The following GPRC5A variants were observed in gnomAD, a reference collection of about 807,000 sequenced individuals.
The protein encoded by GPRC5A is G protein-coupled receptor class C group 5 member A.
Under a neutral mutation model 22.5 loss-of-function variants are expected in GPRC5A, and 19 were observed. The observed-to-expected ratio is 0.85, with a 90% CI of 0.59 to 1.24. The LOEUF (loss-of-function observed/expected upper bound fraction) is 1.24. Among genes scored for constraint, GPRC5A ranks in the 50% most tolerant of loss-of-function variants. The pLI, the probability that GPRC5A is intolerant of heterozygous loss-of-function variation, is 0.00. For missense variants in GPRC5A, 471 were observed against 451.1 expected (o/e 1.04, Z -0.40); for synonymous variants, 192 against 184.5 (o/e 1.04, Z -0.33).
At chr12:12,912,215 G>A (rs192645632) in intron 3 of GPRC5A, 73 bp downstream of exon 3, 16 of 1,126,758 alleles carry the variant, frequency 1.4e-5, no homozygotes, top group Middle Eastern at 1.9e-4. Flanking sequence ...GGAAACAGAC[G>A]ATGTTACCTT....
chr12:12,900,923 A>AAAAAAAAAAAAAAAC (rs1555104732), intron 1 of GPRC5A, among the ~76,000 whole-genome samples: 1 of 109,880 alleles, frequency 9.1e-6, no homozygotes, highest in Non-Finnish European at 1.9e-5. Context: ...ACAAAAAAAA[A>AAAAAAAAAAAAAAAC]ACAACCCAGA....
At chr12:12,894,445 G>C (rs1168526407) in intron 1 of GPRC5A, among the ~76,000 whole-genome samples, 1 of 152,094 alleles carries the variant, frequency 6.6e-6, no homozygotes, top group Non-Finnish European at 1.5e-5. Context: ...GTCTTGCTCT[G>C]TTGCCCTGGC....
intron 1 of GPRC5A, among the ~76,000 whole-genome samples, chr12:12,899,646 A>G (rs1863861695): frequency 1.3e-5 from 2 of 152,180 alleles, no homozygotes; most frequent in South Asian, 4.1e-4. Flanking sequence ...ATACATAACT[A>G]CTCAGCATAG....
chr12:12,912,476 C>T lies in GPRC5A; in HGVS notation c.1011C>T (p.Ile337=), dbSNP rs573985329. ...QNQPPQKEFS[I]PRAHAWPSPY... ...AGCCTCCCCAAAAGGAATTCTCCAT[C>T]CCACGGGCCCACGCTTGGCCGAGCC... Residue 337 remains isoleucine, a synonymous_variant, in exon 4 of 4, where the codon ATC becomes ATT. Coordinates refer to ENST00000014914, the MANE Select transcript of GPRC5A (RefSeq NM_003979.4). 1.2e-6 allele frequency: 2 copies of T among 1,612,400 alleles called. No individual in the cohort carries two copies. Among genetic ancestry groups the T allele is most frequent in the African/African-American group, 2.7e-5 (2 of 75,014 alleles).
Position 12,915,610 on chromosome 12 carries a change from T to TTCCTTCTCC in GPRC5A, c.*3085_*3093dup, listed in dbSNP as rs955772505. On this transcript the variant is annotated 3_prime_UTR_variant, in exon 4 of 4. Coordinates refer to ENST00000014914, the MANE Select transcript of GPRC5A (RefSeq NM_003979.4). ...ATCTCTGGACTGTTGTTTCTCCTTC[T>TTCCTTCTCC]TCCTTCTCCTCCTTCTCCTCCTCCT... 5.2e-6 allele frequency: 1 copy of TTCCTTCTCC among 191,250 alleles called. No individual in the cohort carries two copies. The highest frequency in any genetic ancestry group is 1.1e-5 in the Non-Finnish European group (1 of 88,702). The allele number at this position is 191,250 out of a possible 1,614,324, so 11.8% of individuals were successfully genotyped here. A position where few individuals can be genotyped will look rare whatever the true frequency, so the allele number is the denominator to read the frequency against.
At position 12,912,069 on chromosome 12, in the gene GPRC5A, G is replaced by A; in HGVS notation, c.923-15G>A. On this transcript the variant is annotated splice_polypyrimidine_tract_variant and intron_variant, in intron 2 of 3. Coordinates refer to ENST00000014914, the MANE Select transcript of GPRC5A (RefSeq NM_003979.4). ...GGGCCCCAGTGGTTTAATTTCTCCT[G>A]TTCCTCCATTTCAGGTTTTGAAGAG... The A allele has an allele frequency of 1.2e-6, 2 of 1,600,722 alleles. No individual in the cohort carries two copies. Among genetic ancestry groups the A allele is most frequent in the Non-Finnish European group, 1.7e-6 (2 of 1,167,994 alleles).
At position 12,912,090 on chromosome 12, in the gene GPRC5A, AAG is replaced by A; in HGVS notation, c.933_934del (p.Glu311AspfsTer40). 1.2e-6 allele frequency: 2 copies of A among 1,612,106 alleles called. No homozygotes were observed. Among genetic ancestry groups the A allele is most frequent in the Non-Finnish European group, 8.5e-7 (1 of 1,178,384 alleles). On this transcript the variant is annotated frameshift_variant, in exon 3 of 4. Transcript: ENST00000014914. LOFTEE classifies it high-confidence loss of function. ...TCCTGTTCCTCCATTTCAGGTTTTG[AAG>A]AGACAGGGGACACGCTCTATGCCCC...
chr12:12,905,798 C>T (rs574701962), intron 1 of GPRC5A, among the ~76,000 whole-genome samples: 2 of 152,282 alleles, frequency 1.3e-5, no homozygotes, highest in Non-Finnish European at 2.9e-5. Flanking sequence ...AGAAAGAAGC[C>T]TTTCTCCTGA....
In GPRC5A at chr12:12,908,282, T is replaced by A. The variant is rs748869574; in HGVS notation, c.33T>A (p.Asn11Lys). 8.7e-6 allele frequency: 14 copies of A among 1,603,204 alleles called. No individual in the cohort carries two copies. Among genetic ancestry groups the A allele is most frequent in the Admixed American group, 5.1e-5 (3 of 58,484 alleles). MATTVPDGCR[N>K]GLKSKYYRLC... ...CAACAGTCCCTGATGGTTGCCGCAATGGCCTGAAATCCAAGTACTACAGAC... is the reference window on the plus strand; with the variant it reads ...CAACAGTCCCTGATGGTTGCCGCAAAGGCCTGAAATCCAAGTACTACAGAC... The change falls in exon 2 of 4, where the codon AAT (asparagine) becomes AAA (lysine). Residue 11 changes from asparagine to lysine, a missense_variant. Transcript: ENST00000014914.
chr12:12,905,619 A>C lies in GPRC5A; in HGVS notation c.-7-2624A>C, dbSNP rs547902016. Among the ~76,000 whole-genome samples, 10 of 152,314 alleles carry C rather than the reference A, an allele frequency of 6.6e-5. No individual in the cohort carries two copies. The South Asian group carries it at 2.1e-3, about 32-fold the overall frequency. Reference sequence around the variant, plus strand: ...AATCTCAACATCTTATTCGACATTGACTTTGGAATTTGTGAGCCACCTGTT... The same window carrying C: ...AATCTCAACATCTTATTCGACATTGCCTTTGGAATTTGTGAGCCACCTGTT... On this transcript the variant is annotated intron_variant, in intron 1 of 3. Transcript: ENST00000014914.
rs1035979628 is a variant in GPRC5A, at chr12:12,916,836, C to G, written c.*4297C>G. The G allele has an allele frequency of 6.6e-6, 1 of 152,234 alleles. No homozygotes were observed. The highest frequency in any genetic ancestry group is 1.5e-5 in the Non-Finnish European group (1 of 68,092). The allele number at this position is 152,234 out of a possible 1,614,324, so 9.4% of individuals were successfully genotyped here. On this transcript the variant is annotated 3_prime_UTR_variant, in exon 4 of 4. Transcript: ENST00000014914. ...GCCCTGGAAATGCATCAGCAAAACC[C>G]ATTTCCCCCGTGCACTCATTCTGAG...
At position 12,909,128 on chromosome 12, in the gene GPRC5A, T is replaced by C. The variant is rs556538080; in HGVS notation, c.879T>C (p.Tyr293=). The change falls in exon 2 of 4, where the codon TAT becomes TAC. Residue 293 remains tyrosine (Y), a synonymous_variant. Transcript: ENST00000014914. ...AACCTCAACTCGTGAAGAAGAGCTA[T>C]GGTGTGGAGAACAGAGCCTACTCTC... ...FCKPQLVKKS[Y]GVENRAYSQE... The C allele has an allele frequency of 6.3e-7, 1 of 1,599,708 alleles. No homozygotes were observed. Among genetic ancestry groups the C allele is most frequent in the South Asian group, 1.1e-5 (1 of 91,014 alleles).
Position 12,912,734 on chromosome 12 carries a change from G to T in GPRC5A, c.*195G>T. The T allele has an allele frequency of 3.9e-6, 2 of 513,714 alleles. No individual in the cohort carries two copies. Among genetic ancestry groups the T allele is most frequent in the South Asian group, 3.2e-5 (1 of 31,112 alleles). The allele number at this position is 513,714 out of a possible 1,614,324, so 31.8% of individuals were successfully genotyped here. ...GGCTAGTAAGACTCCAGTTCTTAGA[G>T]GCGCTGTAGTATTTTTTTTTTTTTG... On this transcript the variant is annotated 3_prime_UTR_variant, in exon 4 of 4. Transcript: ENST00000014914.
chr12:12,895,367 G>C (rs900869252), intron 1 of GPRC5A, among the ~76,000 whole-genome samples: 2 of 123,028 alleles, frequency 1.6e-5, no homozygotes, highest in East Asian at 4.6e-4. Context: ...GTATGATATA[G>C]TTTAGTCTTT....
Position 12,913,350 on chromosome 12 carries a change from A to G in GPRC5A, c.*811A>G, listed in dbSNP as rs1864027487. The G allele has an allele frequency of 6.6e-6, 1 of 152,602 alleles. No individual in the cohort carries two copies. Among genetic ancestry groups the G allele is most frequent in the Non-Finnish European group, 1.5e-5 (1 of 68,174 alleles). The allele number at this position is 152,602 out of a possible 1,614,324, so 9.5% of individuals were successfully genotyped here. A position where few individuals can be genotyped will look rare whatever the true frequency, so the allele number is the denominator to read the frequency against. On this transcript the variant is annotated 3_prime_UTR_variant, in exon 4 of 4. Transcript: ENST00000014914. ...CCCCTCTCTTCTTGCACTGTCCCCA[A>G]ACTTGCTGTCAATTCCGAGATCTAA...
chr12:12,903,976 A>G (rs150213594), intron 1 of GPRC5A, among the ~76,000 whole-genome samples: 1,640 of 152,348 alleles, frequency 0.011, 9 homozygotes, highest in Middle Eastern at 0.02. Flanking sequence ...GTCCACAAAC[A>G]GTAATACCTG....
chr12:12,908,827 T>C lies in GPRC5A; in HGVS notation c.578T>C (p.Leu193Pro). 5.0e-6 allele frequency: 8 copies of C among 1,614,104 alleles called. No individual in the cohort carries two copies. The Admixed American group carries it at 6.7e-5, about 13-fold the overall frequency. ...CTCTTCTTGATGGCGCTGACCTTCC[T>C]CATGTCCTCCTTCACCTTCTGTGGT... ...YVLFLMALTF[L>P]MSSFTFCGSF... is the part of the protein sequence containing the mutation. Residue 193 changes from leucine (L) to proline (P), a missense_variant, in exon 2 of 4, where the codon CTC becomes CCC. Leu to Pro is a moderately conservative substitution (Grantham distance 98, BLOSUM62 -3). Transcript: ENST00000014914.
intron 1 of GPRC5A, among the ~76,000 whole-genome samples, chr12:12,895,726 C>T (rs1863815655): frequency 1.3e-5 from 2 of 149,548 alleles, no homozygotes; most frequent in Admixed American, 1.3e-4. Flanking sequence ...ACCTGTAATC[C>T]CAGCACTTTG....
At chr12:12,905,275 G>A (rs1000783533) in intron 1 of GPRC5A, among the ~76,000 whole-genome samples, 1 of 152,148 alleles carries the variant, frequency 6.6e-6, no homozygotes, top group Admixed American at 6.6e-5. Flanking sequence ...CCCAACCCGA[G>A]TCCTTCCTCT....
Sources: allele counts gnomAD v4.1 joint callset (sites outside exome capture counted in the v4.1 genomes callset), GRCh38; gene constraint gnomAD v4.1.1; transcripts MANE v1.5; gene names NCBI Gene and HGNC (gene_info 2026-07-23, HGNC 2026-07-21).